Variants in GRIK4 observed in about 807,000 individuals in gnomAD.
The protein encoded by GRIK4 is glutamate receptor ionotropic, kainate 4.
In GRIK4, 40 loss-of-function variants were observed where a neutral mutation model predicts 104.9. The ratio of observed to expected loss-of-function variants is 0.38; its 90% CI spans 0.30 to 0.50. The LOEUF is 0.50. GRIK4 is among the 20% of genes least tolerant of loss of function. The probability of loss-of-function intolerance (pLI) is 0.93; values close to 1 mark genes in which losing one functional copy is unlikely to be tolerated. For missense variants in GRIK4, 1,047 were observed against 1,308.1 expected (o/e 0.80, Z 3.08); for synonymous variants, 485 against 524.9 (o/e 0.92, Z 1.04).
chr11:120,717,449 G>C (rs1431434760), intron 3 of GRIK4, among the ~76,000 whole-genome samples: 1 of 152,114 alleles, frequency 6.6e-6, no homozygotes, highest in Non-Finnish European at 1.5e-5. Flanking sequence ...AGTGCTTAGG[G>C]ATTGGAGAAG....
intron 8 of GRIK4, among the ~76,000 whole-genome samples, chr11:120,840,449 A>G (rs1200021701): frequency 6.6e-6 from 1 of 152,176 alleles, no homozygotes; most frequent in Non-Finnish European, 1.5e-5. Flanking sequence ...GAAATCTCTG[A>G]TCAACAGACA....
intron 3 of GRIK4, among the ~76,000 whole-genome samples, chr11:120,773,170 G>T (rs566963314): frequency 1.3e-5 from 2 of 152,286 alleles, no homozygotes; most frequent in Admixed American, 1.3e-4. Context: ...CCTGCACAAG[G>T]CCACATGGCT....
chr11:120,568,077 T>C (rs1412457547), intron 1 of GRIK4, among the ~76,000 whole-genome samples: 8 of 151,352 alleles, frequency 5.3e-5, no homozygotes, highest in Non-Finnish European at 4.4e-5. Context: ...ACTTGGGAGG[T>C]TGAGGCGGGA....
chr11:120,839,568 G>A (rs142447601), intron 8 of GRIK4, among the ~76,000 whole-genome samples: 2,135 of 152,334 alleles, frequency 0.014, 22 homozygotes, highest in Middle Eastern at 0.031. Context: ...GGGCTAAAAT[G>A]AATGGAAGAT....
chr11:120,570,320 T>C (rs989106299), intron 1 of GRIK4, among the ~76,000 whole-genome samples: 1 of 152,244 alleles, frequency 6.6e-6, no homozygotes, highest in African/African-American at 2.4e-5. Flanking sequence ...TTCCTGTCCC[T>C]CAACCTCCCT....
At chr11:120,871,498 A>G in intron 9 of GRIK4, 1 of 414,204 alleles carries the variant, frequency 2.4e-6, no homozygotes, top group Non-Finnish European at 4.9e-6. Flanking sequence ...GGCTCAGCCC[A>G]CCTCATCCTA....
chr11:120,914,691 G>T, intron 13 of GRIK4, among the ~76,000 whole-genome samples: 1 of 152,128 alleles, frequency 6.6e-6, no homozygotes, highest in East Asian at 1.9e-4. Flanking sequence ...GTCGTGATAG[G>T]GTTTATGTGT....
At chr11:120,857,965 A>G (rs564828242) in intron 8 of GRIK4, among the ~76,000 whole-genome samples, 52 of 152,286 alleles carry the variant, frequency 3.4e-4, no homozygotes, top group Admixed American at 2.5e-3. Context: ...TCTCTGCCCC[A>G]CCACTTGGCT....
chr11:120,706,715 G>A (rs537674994), intron 3 of GRIK4, among the ~76,000 whole-genome samples: 8 of 152,306 alleles, frequency 5.3e-5, no homozygotes, highest in South Asian at 4.1e-4. Context: ...AAAGCAATAT[G>A]TGAGGTTGAG....
At chr11:120,655,290 C>G (rs1014624753) in intron 2 of GRIK4, among the ~76,000 whole-genome samples, 57 of 151,798 alleles carry the variant, frequency 3.8e-4, no homozygotes, top group African/African-American at 1.4e-3. Flanking sequence ...GGGGATGGGA[C>G]TGCATTCCAA....
At chr11:120,876,194 CTA>C in intron 11 of GRIK4, among the ~76,000 whole-genome samples, 2 of 145,454 alleles carry the variant, frequency 1.4e-5, no homozygotes, top group South Asian at 2.3e-4. Context: ...ATCATCACCA[CTA>C]CAACCACCAC....
In GRIK4 at chr11:120,820,255, AG is replaced by A. The variant is rs944768632; in HGVS notation, c.511+336del. On this transcript the variant is annotated intron_variant, in intron 6 of 20. Coordinates refer to ENST00000527524, the MANE Select transcript of GRIK4 (RefSeq NM_014619.5). The stretch of plus-strand genomic sequence containing the variant: ...TTACAAGGAGACTGGCCAACCGCCA[AG>A]CCTTTTTGCATCTGCAAACTCAATT... Among the ~76,000 whole-genome samples, 10 of 152,184 alleles carry A rather than the reference AG, an allele frequency of 6.6e-5. No individual in the cohort carries two copies. In the East Asian group the frequency reaches 7.7e-4, roughly 12 times the overall value.
chr11:120,687,861 C>T (rs1233703948), intron 3 of GRIK4, among the ~76,000 whole-genome samples: 1 of 152,170 alleles, frequency 6.6e-6, no homozygotes. Flanking sequence ...TCTTGCTGTT[C>T]AGTGCCTCAG....
intron 8 of GRIK4, among the ~76,000 whole-genome samples, chr11:120,855,564 CTTT>C (rs10717552): frequency 6.9e-6 from 1 of 145,070 alleles, no homozygotes; most frequent in African/African-American, 2.5e-5. Flanking sequence ...CTTATGGTGA[CTTT>C]TTTTTTTTTT....
chr11:120,630,750 C>A (rs1214732339), intron 1 of GRIK4, among the ~76,000 whole-genome samples: 1 of 152,216 alleles, frequency 6.6e-6, no homozygotes, highest in Non-Finnish European at 1.5e-5. Context: ...TGTGCAACAC[C>A]ATTGGATGCG....
At chr11:120,985,828 C>G (rs1944732985) in intron 20 of GRIK4, 76 bp from the exon 21 acceptor site, 6 of 1,366,298 alleles carry the variant, frequency 4.4e-6, no homozygotes, top group Non-Finnish European at 6.1e-6. Context: ...CCCTTCATCC[C>G]TCATCCCAGC....
chr11:120,739,583 T>C (rs966707161), intron 3 of GRIK4, among the ~76,000 whole-genome samples: 3 of 152,216 alleles, frequency 2.0e-5, no homozygotes, highest in Non-Finnish European at 4.4e-5. Flanking sequence ...GGAATCCTTT[T>C]CTACTGCTTC....
chr11:120,524,390 C>T lies in GRIK4; in HGVS notation c.-159+12503C>T, dbSNP rs113861909. Among the ~76,000 whole-genome samples the T allele has an allele frequency of 1.3e-5, 2 of 152,112 alleles. No individual in the cohort carries two copies. The highest frequency in any genetic ancestry group is 4.8e-5 in the African/African-American group (2 of 41,430). Reference sequence around the variant, plus strand: ...CTGGAAAGCTTGGATGGGCCGCCTTCGACTCGCAGATGTATGGGATTGAAA... The same window carrying T: ...CTGGAAAGCTTGGATGGGCCGCCTTTGACTCGCAGATGTATGGGATTGAAA... On this transcript the variant is annotated intron_variant, in intron 1 of 20. Coordinates refer to ENST00000527524, the MANE Select transcript of GRIK4 (RefSeq NM_014619.5). The surrounding 1 kb of genome is among the most constrained non-coding windows in gnomAD (Gnocchi z 4.5).
chr11:120,855,106 G>A (rs1954068868), intron 8 of GRIK4, among the ~76,000 whole-genome samples: 1 of 152,182 alleles, frequency 6.6e-6, no homozygotes, highest in Non-Finnish European at 1.5e-5. Flanking sequence ...TCACAGGCCA[G>A]CGGGGAAGCA....
Sources: allele counts gnomAD v4.1 joint callset (sites outside exome capture counted in the v4.1 genomes callset), GRCh38; gene constraint gnomAD v4.1.1; non-coding constraint Gnocchi (gnomAD v3.1); transcripts MANE v1.5; gene names NCBI Gene and HGNC (gene_info 2026-07-23, HGNC 2026-07-21).